The following CNTNAP2 variants were observed in gnomAD, a reference collection of about 807,000 sequenced individuals.
CNTNAP2 encodes the protein contactin associated protein 2.
In CNTNAP2, 98 loss-of-function variants were observed where a neutral mutation model predicts 155.2. That is an observed-to-expected ratio of 0.63 (90% CI 0.54 to 0.75). CNTNAP2 has a LOEUF of 0.75. Ranked by LOEUF, CNTNAP2 falls within the 30% of genes least tolerant of loss-of-function variation. CNTNAP2 has a pLI of 0.00. For synonymous variants in CNTNAP2, 651 were observed against 631.2 expected (o/e 1.03, Z -0.47); for missense variants, 1,727 against 1,688.1 (o/e 1.02, Z -0.40).
intron 3 of CNTNAP2, among the ~76,000 whole-genome samples, chr7:147,008,930 G>C (rs1798574668): frequency 6.6e-6 from 1 of 151,638 alleles, no homozygotes; most frequent in Non-Finnish European, 1.5e-5. Context: ...CAGGTAGATA[G>C]GGGGAGGGCA....
At position 147,104,424 on chromosome 7, in the gene CNTNAP2, C is replaced by T. The variant is rs143517813; in HGVS notation, c.551-3723C>T. Among the ~76,000 whole-genome samples the T allele has an allele frequency of 4.1e-3, 618 of 151,760 alleles. 3 individuals carry two copies. The highest frequency in any genetic ancestry group is 7.2e-3 in the Non-Finnish European group (489 of 67,762). On this transcript the variant is annotated intron_variant, in intron 4 of 23. Coordinates refer to ENST00000361727, the MANE Select transcript of CNTNAP2 (RefSeq NM_014141.6). ...ATCCATATGTGTATCTATGTACATACGTAAAGATTCTTTATATGCAATTTA... is the reference window on the plus strand; with the variant it reads ...ATCCATATGTGTATCTATGTACATATGTAAAGATTCTTTATATGCAATTTA...
intron 1 of CNTNAP2, among the ~76,000 whole-genome samples, chr7:146,691,293 A>G (rs1295780318): frequency 1.3e-5 from 2 of 151,642 alleles, no homozygotes; most frequent in Non-Finnish European, 3.0e-5. Context: ...TCCTCGATTT[A>G]CAATGGAGTC....
chr7:146,951,249 G>T lies in CNTNAP2; in HGVS notation c.403-92658G>T, dbSNP rs370594159. On this transcript the variant is annotated intron_variant, in intron 3 of 23. Transcript: ENST00000361727. ...TTTTCTCCCATTCTACAGGTTGCCTGTTCACTCTGATGATAGTTTATTTTG... is the reference window on the plus strand; with the variant it reads ...TTTTCTCCCATTCTACAGGTTGCCTTTTCACTCTGATGATAGTTTATTTTG... Among the ~76,000 whole-genome samples, 7 of 152,226 alleles carry T rather than the reference G, an allele frequency of 4.6e-5. 1 individual carries two copies. The highest frequency in any genetic ancestry group is 1.4e-4 in the African/African-American group (6 of 41,544).
intron 17 of CNTNAP2, among the ~76,000 whole-genome samples, chr7:148,155,006 TC>T (rs1378670840): frequency 6.6e-6 from 1 of 152,080 alleles, no homozygotes; most frequent in East Asian, 1.9e-4. Context: ...TGCCCCTGTT[TC>T]CTGCAAACCT....
intron 1 of CNTNAP2, among the ~76,000 whole-genome samples, chr7:146,238,453 G>C (rs1215181772): frequency 1.3e-5 from 2 of 152,138 alleles, no homozygotes; most frequent in Non-Finnish European, 2.9e-5. Flanking sequence ...CCGAAGTTTG[G>C]ACAGGGAGCA....
chr7:147,361,045 T>C (rs1427576006), intron 9 of CNTNAP2, among the ~76,000 whole-genome samples: 1 of 152,074 alleles, frequency 6.6e-6, no homozygotes, highest in Non-Finnish European at 1.5e-5. Flanking sequence ...AGGCTGGAGA[T>C]TGTAGAAAGC....
At chr7:146,136,817 C>T (rs1244371950) in intron 1 of CNTNAP2, among the ~76,000 whole-genome samples, 1 of 152,178 alleles carries the variant, frequency 6.6e-6, no homozygotes, top group Non-Finnish European at 1.5e-5. Flanking sequence ...TCGATTTCTA[C>T]TGTTGGGTTT....
chr7:146,928,124 T>A (rs1796647487), intron 3 of CNTNAP2, among the ~76,000 whole-genome samples: 1 of 152,038 alleles, frequency 6.6e-6, no homozygotes, highest in Non-Finnish European at 1.5e-5. Context: ...TATGAGAGGC[T>A]AAACAAAAGT....
chr7:146,866,756 TAGAGC>T (rs1406514077), intron 3 of CNTNAP2, among the ~76,000 whole-genome samples: 2 of 152,136 alleles, frequency 1.3e-5, no homozygotes, highest in Admixed American at 6.6e-5. Flanking sequence ...TTATTTGTAA[TAGAGC>T]AGAGTTGGAA....
chr7:146,740,079 A>C (rs993001539), intron 1 of CNTNAP2, among the ~76,000 whole-genome samples: 10 of 152,066 alleles, frequency 6.6e-5, no homozygotes, highest in African/African-American at 7.2e-5. Flanking sequence ...AAATCCTGTG[A>C]TATGAAAATT....
At chr7:148,152,502 T>G (rs1805315027) in intron 17 of CNTNAP2, among the ~76,000 whole-genome samples, 2 of 152,162 alleles carry the variant, frequency 1.3e-5, no homozygotes, top group South Asian at 4.2e-4. Flanking sequence ...ACAATAGTGA[T>G]GTTATCTATA....
chr7:148,361,455 G>C (rs531490660), intron 21 of CNTNAP2, among the ~76,000 whole-genome samples: 1 of 152,158 alleles, frequency 6.6e-6, no homozygotes, highest in Non-Finnish European at 1.5e-5. Context: ...TGAAATCAGG[G>C]TGTCAGTAGG....
intron 1 of CNTNAP2, among the ~76,000 whole-genome samples, chr7:146,570,196 G>A (rs1798420086): frequency 7.0e-6 from 1 of 142,970 alleles, no homozygotes; most frequent in South Asian, 2.5e-4. Context: ...TAATGCACTG[G>A]TCTGTAGACA....
chr7:147,670,758 T>C (rs1795773810), intron 13 of CNTNAP2, among the ~76,000 whole-genome samples: 2 of 152,158 alleles, frequency 1.3e-5, no homozygotes, highest in South Asian at 4.1e-4. Context: ...CTTCAGGTTG[T>C]TCATATGACC....
chr7:146,760,409 C>CT (rs532820418), intron 1 of CNTNAP2, among the ~76,000 whole-genome samples: 702 of 56,266 alleles, frequency 0.012, 83 homozygotes, highest in East Asian at 0.02. Context: ...TCCAATTTAC[C>CT]TTTTTTTTTT....
At chr7:146,363,722 A>G (rs1321401583) in intron 1 of CNTNAP2, among the ~76,000 whole-genome samples, 1 of 152,180 alleles carries the variant, frequency 6.6e-6, no homozygotes, top group Admixed American at 6.5e-5. Context: ...TTCATGAAGT[A>G]GGAAGTTGAC....
intron 10 of CNTNAP2, among the ~76,000 whole-genome samples, chr7:147,434,685 A>G (rs1797522935): frequency 6.6e-6 from 1 of 152,226 alleles, no homozygotes; most frequent in Non-Finnish European, 1.5e-5. Flanking sequence ...GCTTATCTAA[A>G]AGAGTGGACT....
chr7:146,248,165 G>A (rs1584826315), intron 1 of CNTNAP2, among the ~76,000 whole-genome samples: 2 of 152,140 alleles, frequency 1.3e-5, no homozygotes, highest in East Asian at 3.9e-4. Flanking sequence ...AGATATAAGA[G>A]GTCCGGGTGC....
intron 19 of CNTNAP2, among the ~76,000 whole-genome samples, chr7:148,227,037 G>C (rs1466063391): frequency 6.6e-6 from 1 of 152,132 alleles, no homozygotes; most frequent in African/African-American, 2.4e-5. Context: ...TCAGTAACAG[G>C]ATCACCATGG....
Sources: allele counts gnomAD v4.1 joint callset (sites outside exome capture counted in the v4.1 genomes callset), GRCh38; gene constraint gnomAD v4.1.1; transcripts MANE v1.5; gene names NCBI Gene and HGNC (gene_info 2026-07-23, HGNC 2026-07-21).